The following SYNE2 variants were observed in gnomAD, a reference collection of about 807,000 sequenced individuals.
SYNE2 encodes the protein spectrin repeat containing nuclear envelope protein 2.
Under a neutral mutation model 856.3 loss-of-function variants are expected in SYNE2, and 431 were observed. That is an observed-to-expected ratio of 0.50 (90% CI 0.47 to 0.55). The LOEUF is 0.55. Ranked by LOEUF, SYNE2 falls within the 20% of genes least tolerant of loss-of-function variation. SYNE2 has a pLI of 0.00. For missense variants in SYNE2, 8,129 were observed against 8,023.2 expected (o/e 1.01, Z -0.50); for synonymous variants, 2,923 against 2,872.3 (o/e 1.02, Z -0.56).
chr14:63,768,302 C>A (rs1265884778), intron 1 of SYNE2, among the ~76,000 whole-genome samples: 1 of 152,076 alleles, frequency 6.6e-6, no homozygotes, highest in Non-Finnish European at 1.5e-5. Flanking sequence ...AAGTGACAAA[C>A]CACCCCACAA....
chr14:64,221,670 C>G lies in SYNE2; in HGVS notation c.20156C>G (p.Pro6719Arg), dbSNP rs576049722. The change falls in exon 112 of 116, where the codon CCC becomes CGC. Residue 6719 changes from proline (P) to arginine (R), a missense_variant. Pro to Arg is a moderately radical substitution (Grantham distance 103). Transcript: ENST00000555002. The part of the protein sequence containing the change: ...KAHVTDPKAD[P>R]RALLECRREL... Reference sequence around the variant, plus strand: ...CATGTCACCGATCCAAAGGCAGACCCCCGGGCTCTCCTAGAGTGTCGGAGG... The same window carrying G: ...CATGTCACCGATCCAAAGGCAGACCGCCGGGCTCTCCTAGAGTGTCGGAGG... The G allele has an allele frequency of 6.2e-7, 1 of 1,614,122 alleles. No homozygotes were observed. The highest frequency in any genetic ancestry group is 1.3e-5 in the African/African-American group (1 of 75,012).
chr14:63,810,776 A>G (rs1430090325), intron 1 of SYNE2, among the ~76,000 whole-genome samples: 1 of 152,160 alleles, frequency 6.6e-6, no homozygotes, highest in Non-Finnish European at 1.5e-5. Flanking sequence ...TTGTAAACGG[A>G]ATTGAAATAC....
chr14:63,797,557 T>C (rs904741468), intron 1 of SYNE2, among the ~76,000 whole-genome samples: 1 of 152,158 alleles, frequency 6.6e-6, no homozygotes, highest in African/African-American at 2.4e-5. Context: ...TTCTCCTGTC[T>C]CAGCCTTCTG....
In SYNE2 at chr14:64,145,219, G is replaced by A. The variant is rs145342624; in HGVS notation, c.15484-849G>A. Among the ~76,000 whole-genome samples, 887 of 150,140 alleles carry A rather than the reference G, an allele frequency of 5.9e-3. 9 individuals carry two copies. Among genetic ancestry groups the A allele is most frequent in the African/African-American group, 0.021 (849 of 40,194 alleles). On this transcript the variant is annotated intron_variant, in intron 83 of 115. Transcript: ENST00000555002. ...TGGGATTACAGGTAAGAGCCACCAC[G>A]CCTGGCCGGGCAGCCTTTTAAAATT...
At position 63,990,173 on chromosome 14, in the gene SYNE2, ATTCT is replaced by A. The variant is rs2096656271; in HGVS notation, c.2314-235_2314-232del. Among the ~76,000 whole-genome samples the A allele has an allele frequency of 3.9e-5, 6 of 152,106 alleles. No homozygotes were observed. The South Asian group carries it at 1.0e-3, about 26-fold the overall frequency. ...TTTCTATTGTCATTGTATTACTTTCATTCTTTATTTTATTGAAGTGCTTACTGTA... is the reference window on the plus strand; with the variant it reads ...TTTCTATTGTCATTGTATTACTTTCATTATTTTATTGAAGTGCTTACTGTA... On this transcript the variant is annotated intron_variant, in intron 19 of 115. Coordinates refer to ENST00000555002, the MANE Select transcript of SYNE2 (RefSeq NM_182914.3).
rs753646712 is a variant in SYNE2 at position 64,162,104 on chromosome 14, A to G, written c.16127A>G (p.Gln5376Arg). The G allele has an allele frequency of 4.3e-5, 70 of 1,614,106 alleles. No homozygotes were observed. The highest frequency in any genetic ancestry group is 5.6e-5 in the Non-Finnish European group (66 of 1,180,046). Residue 5376 changes from glutamine (Q) to arginine (R), a missense_variant, in exon 88 of 116, where the codon CAG becomes CGG. Coordinates refer to ENST00000555002, the MANE Select transcript of SYNE2 (RefSeq NM_182914.3). Reference protein sequence around the residue: ...WTQVNQAIADQLQKAQSLLQL... With the variant: ...WTQVNQAIADRLQKAQSLLQL... The stretch of plus-strand genomic sequence containing the variant: ...CAGGTGAACCAAGCCATTGCAGACC[A>G]GTTGCAGAAGGCCCAGAGTCTGCTC...
intron 49 of SYNE2, among the ~76,000 whole-genome samples, chr14:64,060,394 C>G (rs760639189): frequency 6.6e-6 from 1 of 151,088 alleles, no homozygotes; most frequent in African/African-American, 2.4e-5. Flanking sequence ...TCCTTCCCTT[C>G]GAGGAAGTGG....
chr14:64,098,266 A>G (rs1027703284), intron 62 of SYNE2, 120 bp downstream of exon 62: 1 of 1,109,150 alleles, frequency 9.0e-7, no homozygotes, highest in African/African-American at 1.5e-5. Context: ...GGAATTTTTT[A>G]AAGTGGAAAT....
intron 83 of SYNE2, among the ~76,000 whole-genome samples, chr14:64,144,712 T>G (rs1373276178): frequency 6.6e-6 from 1 of 152,152 alleles, no homozygotes; most frequent in African/African-American, 2.4e-5. Flanking sequence ...TTGGAAAATG[T>G]AAAGAACCGT....
chr14:63,853,251 C>T, intron 1 of SYNE2, 108 bp downstream of exon 1: 1 of 138,846 alleles, frequency 7.2e-6, no homozygotes, highest in Non-Finnish European at 1.6e-5. Context: ...GAGCCGGGGG[C>T]GGGGGCGGCG....
At position 64,221,590 on chromosome 14, in the gene SYNE2, G is replaced by C; in HGVS notation, c.20076G>C (p.Leu6692Phe). The C allele has an allele frequency of 6.2e-7, 1 of 1,614,178 alleles. No homozygotes were observed. The change falls in exon 112 of 116, where the codon TTG becomes TTC. Residue 6692 changes from leucine (L) to phenylalanine (F), a missense_variant. Physicochemically the swap from Leu to Phe is conservative, Grantham distance 22 (BLOSUM62 0). Transcript: ENST00000555002. ...SLMQCQDFHQ[L>F]SQNLLLWLAS... The stretch of plus-strand genomic sequence containing the variant: ...TGTTTTTTAAGGACTTCCACCAGTT[G>C]AGTCAAAATCTGCTGCTGTGGTTAG...
intron 1 of SYNE2, among the ~76,000 whole-genome samples, chr14:63,867,464 G>A (rs532869236): frequency 2.0e-5 from 3 of 151,540 alleles, no homozygotes; most frequent in Non-Finnish European, 2.9e-5. Context: ...TTGGGAGGCC[G>A]AGGCAGCTGG....
At chr14:64,008,305 T>C (rs2096815767) in intron 31 of SYNE2, among the ~76,000 whole-genome samples, 1 of 152,192 alleles carries the variant, frequency 6.6e-6, no homozygotes, top group Non-Finnish European at 1.5e-5. Context: ...GCAAAGTCCC[T>C]TTTGCCTTGT....
Position 64,024,283 on chromosome 14 carries a change from C to T in SYNE2, c.5664C>T (p.Asn1888=), listed in dbSNP as rs201609881. The change falls in exon 39 of 116, where the codon AAC becomes AAT. Residue 1888 remains asparagine (N), a synonymous_variant. Transcript: ENST00000555002. The part of the protein sequence containing the change: ...LSDFLTLEGR[N]SKIKQVDSVL... ...ATTTCTTGACTCTTGAAGGAAGAAA[C>T]AGTAAAATAAAGCAGGTGGACAGCG... 2 of 1,613,916 alleles carry T rather than the reference C, an allele frequency of 1.2e-6. No individual in the cohort carries two copies. Among genetic ancestry groups the T allele is most frequent in the African/African-American group, 1.3e-5 (1 of 74,982 alleles).
intron 78 of SYNE2, 77 bp from the exon 79 acceptor site, chr14:64,137,710 T>G: frequency 6.8e-7 from 1 of 1,473,760 alleles, no homozygotes. Flanking sequence ...AATGTCAGTT[T>G]TAAATGCAGT....
intron 53 of SYNE2, 109 bp downstream of exon 53, chr14:64,074,245 G>A (rs979975513): frequency 3.6e-6 from 4 of 1,118,840 alleles, no homozygotes; most frequent in Admixed American, 3.5e-5. Context: ...GAGCGGTCTG[G>A]GGAGAGAGAG....
chr14:64,022,244 T>A (rs2096940912), intron 37 of SYNE2, among the ~76,000 whole-genome samples: 1 of 152,198 alleles, frequency 6.6e-6, no homozygotes, highest in Admixed American at 6.5e-5. Context: ...TTTATTTCTT[T>A]CTTGAAGGTA....
chr14:64,090,855 A>C lies in SYNE2; in HGVS notation c.11794-11A>C. 2 of 1,611,760 alleles carry C rather than the reference A, an allele frequency of 1.2e-6. No homozygotes were observed. Among genetic ancestry groups the C allele is most frequent in the Non-Finnish European group, 1.7e-6 (2 of 1,178,230 alleles). ...TTCATTTCTGTAACATGCTCCTCTT[A>C]TATAATTAAGGTCATACTTGAAAAT... On this transcript the variant is annotated splice_polypyrimidine_tract_variant and intron_variant, in intron 59 of 115. Transcript: ENST00000555002.
chr14:63,863,181 G>T (rs562259308), intron 1 of SYNE2, among the ~76,000 whole-genome samples: 2 of 152,192 alleles, frequency 1.3e-5, no homozygotes, highest in Admixed American at 6.5e-5. Flanking sequence ...GAAAGAAAAG[G>T]TATTCAGCAT....
Sources: allele counts gnomAD v4.1 joint callset (sites outside exome capture counted in the v4.1 genomes callset), GRCh38; gene constraint gnomAD v4.1.1; transcripts MANE v1.5; gene names NCBI Gene and HGNC (gene_info 2026-07-23, HGNC 2026-07-21).